The following KLF8 variants were observed in gnomAD, a reference collection of about 807,000 sequenced individuals.
The protein encoded by KLF8 is KLF transcription factor 8.
KLF8 carries 10 observed loss-of-function variants against 18.2 expected under a neutral mutation model. The observed-to-expected ratio is 0.55, with a 90% CI of 0.34 to 0.93. The LOEUF is 0.93. Among genes scored for constraint, KLF8 ranks in the 40% least tolerant of loss-of-function variants. The pLI is 0.02. For missense variants in KLF8, 264 were observed against 277.9 expected (o/e 0.95, Z 0.36); for synonymous variants, 109 against 97.3 (o/e 1.12, Z -0.71).
chrX:55,924,685 C>T, the KLF8 span, among the ~76,000 whole-genome samples: 1 of 110,409 alleles, frequency 9.1e-6, no homozygotes, highest in Non-Finnish European at 1.9e-5. Context: ...ACTCAAATAC[C>T]TGGGGATTTT....
the KLF8 span, among the ~76,000 whole-genome samples, chrX:56,101,913 G>GTTGATAGC: frequency 8.9e-6 from 1 of 111,740 alleles, no homozygotes; most frequent in African/African-American, 3.3e-5. Flanking sequence ...TGCTTACTCT[G>GTTGATAGC]TTGATAGCTT....
chrX:56,113,308 T>G, the KLF8 span, among the ~76,000 whole-genome samples: 1 of 110,796 alleles, frequency 9.0e-6, no homozygotes. Context: ...TTTCATGGTT[T>G]TTTTTTTTGT....
the KLF8 span, among the ~76,000 whole-genome samples, chrX:56,196,149 C>T: frequency 9.0e-6 from 1 of 111,533 alleles, no homozygotes; most frequent in Non-Finnish European, 1.9e-5. Context: ...AAAGACCATC[C>T]ATGCCATGGA....
At chrX:55,947,812 TAA>T in the KLF8 span, among the ~76,000 whole-genome samples, 4 of 111,839 alleles carry the variant, frequency 3.6e-5, no homozygotes, top group Admixed American at 9.5e-5. Flanking sequence ...TATGTGTGTA[TAA>T]GTCATGCCCC....
chrX:56,149,370 G>A, the KLF8 span, among the ~76,000 whole-genome samples: 1 of 111,068 alleles, frequency 9.0e-6, no homozygotes, highest in African/African-American at 3.3e-5. Flanking sequence ...ATGTAAGTGG[G>A]AGCTAAGCAT....
the KLF8 span, among the ~76,000 whole-genome samples, chrX:56,134,184 C>CT: frequency 2.7e-5 from 3 of 110,612 alleles, no homozygotes; most frequent in African/African-American, 9.9e-5. Flanking sequence ...TCATATGGAA[C>CT]CAAAAAAAAA....
chrX:56,048,186 G>A, the KLF8 span, among the ~76,000 whole-genome samples: 1 of 111,452 alleles, frequency 9.0e-6, no homozygotes, highest in Non-Finnish European at 1.9e-5. Context: ...CAGATGAGTA[G>A]ATTGCAAAAA....
chrX:56,172,723 C>T, the KLF8 span, among the ~76,000 whole-genome samples: 1 of 111,973 alleles, frequency 8.9e-6, no homozygotes, highest in Non-Finnish European at 1.9e-5. Flanking sequence ...GTCCCGCCAA[C>T]AGTGTAAAAG....
chrX:56,082,477 G>A, the KLF8 span, among the ~76,000 whole-genome samples: 1 of 101,336 alleles, frequency 9.9e-6, no homozygotes, highest in Non-Finnish European at 2.0e-5. Flanking sequence ...AATCTTTATT[G>A]TTTCTTTGCT....
the KLF8 span, among the ~76,000 whole-genome samples, chrX:55,924,743 G>A: frequency 9.2e-6 from 1 of 109,103 alleles, no homozygotes; most frequent in African/African-American, 3.3e-5. Flanking sequence ...GAAAATCAGT[G>A]TCAGCAAATT....
the KLF8 span, among the ~76,000 whole-genome samples, chrX:56,093,654 T>C: frequency 9.0e-6 from 1 of 110,830 alleles, no homozygotes; most frequent in Non-Finnish European, 1.9e-5. Flanking sequence ...ACTTATATAT[T>C]TTTATTTTTA....
chrX:55,956,821 G>T, the KLF8 span, among the ~76,000 whole-genome samples: 1 of 111,302 alleles, frequency 9.0e-6, no homozygotes, highest in African/African-American at 3.3e-5. Flanking sequence ...TATTTTATTT[G>T]TAAATATTTT....
the KLF8 span, among the ~76,000 whole-genome samples, chrX:56,018,686 GTATA>G: frequency 9.1e-6 from 1 of 110,378 alleles, no homozygotes; most frequent in Non-Finnish European, 1.9e-5. Context: ...TATACTATAT[GTATA>G]TATATATTCA....
the KLF8 span, among the ~76,000 whole-genome samples, chrX:56,033,069 A>G: frequency 9.0e-6 from 1 of 111,495 alleles, no homozygotes; most frequent in Admixed American, 9.6e-5. Flanking sequence ...ATATAGATAT[A>G]TAATGCAGTA....
chrX:56,263,179 C>T lies in KLF8; in HGVS notation c.82-2001C>T, dbSNP rs143287382. On this transcript the variant is annotated intron_variant, in intron 2 of 5. Transcript: ENST00000468660. ...GCAGAGCCAATCTTGACAACTTCCTCTCCCTGTCAACAGGATTCTACTCCC... is the reference window on the plus strand; with the variant it reads ...GCAGAGCCAATCTTGACAACTTCCTTTCCCTGTCAACAGGATTCTACTCCC... 3.6e-5 allele frequency among the ~76,000 whole-genome samples: 4 copies of T among 111,417 alleles called. No homozygotes were observed. The East Asian group carries it at 1.1e-3, about 32-fold the overall frequency.
chrX:56,118,491 C>G, the KLF8 span, among the ~76,000 whole-genome samples: 2 of 110,891 alleles, frequency 1.8e-5, no homozygotes, highest in African/African-American at 6.6e-5. Flanking sequence ...AAGGCCCTCA[C>G]AGTCTTATTT....
At chrX:55,975,903 A>G in the KLF8 span, among the ~76,000 whole-genome samples, 3 of 111,704 alleles carry the variant, frequency 2.7e-5, no homozygotes, top group Non-Finnish European at 5.7e-5. Context: ...TGAGGTCAGG[A>G]GTTTGAGACC....
At chrX:55,964,369 G>A in the KLF8 span, among the ~76,000 whole-genome samples, 1 of 111,757 alleles carries the variant, frequency 8.9e-6, no homozygotes, top group African/African-American at 3.3e-5. Flanking sequence ...TGAGCCCAGG[G>A]GTTTGATTCC....
At position 56,285,970 on chromosome X, in the gene KLF8, T is replaced by C. The variant is rs1051721744; in HGVS notation, c.*1476T>C. The C allele has an allele frequency of 1.4e-4, 15 of 110,912 alleles. No homozygotes were observed. The highest frequency in any genetic ancestry group is 2.6e-4 in the Non-Finnish European group (14 of 53,014). 9.1% of individuals were successfully genotyped at this position (110,912 alleles called of 1,213,427 possible). On this transcript the variant is annotated 3_prime_UTR_variant, in exon 6 of 6. Transcript: ENST00000468660. ...TTGAATACTTTAGGTTACTATTTCC[T>C]GAGGCTGTCCATTCTCACTATATTG... is the stretch of plus-strand genomic sequence containing the variant.
Sources: gnomAD v4.1 joint callset for allele counts (sites outside exome capture counted in the v4.1 genomes callset) on GRCh38, gnomAD v4.1.1 for gene constraint, MANE v1.5 for transcripts, NCBI Gene and HGNC (gene_info 2026-07-23, HGNC 2026-07-21) for gene names.